FAM13C: variants seen among roughly 807,000 people sequenced by gnomAD.
The protein encoded by FAM13C is protein FAM13C.
FAM13C carries 37 observed loss-of-function variants against 73.2 expected under a neutral mutation model. That is an observed-to-expected ratio of 0.51 (90% CI 0.39 to 0.67). The LOEUF (loss-of-function observed/expected upper bound fraction) is 0.67. Among genes scored for constraint, FAM13C ranks in the 30% least tolerant of loss-of-function variants. FAM13C has a pLI of 0.00. For missense variants in FAM13C, 589 were observed against 715.6 expected, an observed-to-expected ratio of 0.82 and a Z score of 2.02; for synonymous variants, 246 against 260.9, an observed-to-expected ratio of 0.94 and a Z score of 0.55.
Position 59,246,729 on chromosome 10 carries a change from T to A in FAM13C, c.*885A>T, listed in dbSNP as rs954639807. On this transcript the variant is annotated 3_prime_UTR_variant, in exon 14 of 14. Coordinates refer to ENST00000618804, the MANE Select transcript of FAM13C (RefSeq NM_198215.4). Reference sequence around the variant, plus strand: ...TACAGCTCATGGGAAATGTTTTGACTTTACAAAGTATAGATGTTGGAACAT... The same window carrying A: ...TACAGCTCATGGGAAATGTTTTGACATTACAAAGTATAGATGTTGGAACAT... 2.5e-6 allele frequency: 1 copy of A among 397,090 alleles called. No homozygotes were observed. Among genetic ancestry groups the A allele is most frequent in the Non-Finnish European group, 4.4e-6 (1 of 225,102 alleles). The allele number at this position is 397,090 out of a possible 1,614,324, so 24.6% of individuals were successfully genotyped here. A position where few individuals can be genotyped will look rare whatever the true frequency, so the allele number is the denominator to read the frequency against.
intron 6 of FAM13C, among the ~76,000 whole-genome samples, chr10:59,271,257 C>T (rs1843687321): frequency 6.6e-6 from 1 of 152,174 alleles, no homozygotes; most frequent in Non-Finnish European, 1.5e-5. Context: ...CTCTGCTTGT[C>T]CAAAATAAAC....
At position 59,362,380 on chromosome 10, in the gene FAM13C, A is replaced by T. The variant is rs750809949; in HGVS notation, c.62+19T>A. 1 of 1,613,164 alleles carries T rather than the reference A, an allele frequency of 6.2e-7. No homozygotes were observed. The highest frequency in any genetic ancestry group is 8.5e-7 in the Non-Finnish European group (1 of 1,179,630). On this transcript the variant is annotated intron_variant, in intron 1 of 13. Transcript: ENST00000618804. ...GAGAAAGGCATGCAAGTCTAATTTT[A>T]ATGGTAAGAATCACTTACTCTGTTA...
chr10:59,252,396 A>C (rs1305571776), intron 12 of FAM13C, among the ~76,000 whole-genome samples: 2 of 152,134 alleles, frequency 1.3e-5, no homozygotes, highest in East Asian at 3.8e-4. Context: ...ATGATTTTCT[A>C]CTTGCTTTCT....
intron 5 of FAM13C, among the ~76,000 whole-genome samples, chr10:59,289,076 C>T (rs188153367): frequency 3.0e-4 from 46 of 152,244 alleles, no homozygotes; most frequent in African/African-American, 1.0e-3. Flanking sequence ...GACTGGGGCA[C>T]GGGGATTGTT....
At chr10:59,293,175 G>A (rs915912188) in intron 5 of FAM13C, among the ~76,000 whole-genome samples, 1 of 138,928 alleles carries the variant, frequency 7.2e-6, no homozygotes, top group Admixed American at 8.1e-5. Context: ...CTGGGTTCAC[G>A]CCATTCTCCT....
At chr10:59,304,590 G>A (rs1228370429) in intron 4 of FAM13C, among the ~76,000 whole-genome samples, 1 of 151,852 alleles carries the variant, frequency 6.6e-6, no homozygotes, top group East Asian at 1.9e-4. Flanking sequence ...ACACACTGGG[G>A]CCTTTCAGAG....
intron 10 of FAM13C, among the ~76,000 whole-genome samples, chr10:59,260,017 T>C (rs760255751): frequency 5.9e-5 from 9 of 152,150 alleles, no homozygotes; most frequent in Non-Finnish European, 1.3e-4. Context: ...ACAACCCCAG[T>C]GTGCTCCTCT....
In FAM13C at chr10:59,352,264, T is replaced by G. The variant is rs551271985; in HGVS notation, c.324+6A>C. On this transcript the variant is annotated splice_donor_region_variant and intron_variant, in intron 3 of 13. Coordinates refer to ENST00000618804, the MANE Select transcript of FAM13C (RefSeq NM_198215.4). ...TGGCAAAAGCCTGAGAAGAGAGAGCTGCTACCTGACTTTCTCCGTGGCTCC... is the reference window on the plus strand; with the variant it reads ...TGGCAAAAGCCTGAGAAGAGAGAGCGGCTACCTGACTTTCTCCGTGGCTCC... The G allele has an allele frequency of 7.4e-6, 12 of 1,613,462 alleles. No individual in the cohort carries two copies. Among genetic ancestry groups the G allele is most frequent in the Non-Finnish European group, 1.7e-6 (2 of 1,179,918 alleles).
intron 4 of FAM13C, 96 bp from the exon 5 acceptor site, chr10:59,302,960 T>A (rs567473768): frequency 1.9e-5 from 20 of 1,073,170 alleles, no homozygotes; most frequent in South Asian, 8.2e-5. Flanking sequence ...GTACCCCTGA[T>A]AAAAACCCTT....
At chr10:59,278,697 G>C (rs1415770909) in intron 6 of FAM13C, among the ~76,000 whole-genome samples, 1 of 152,042 alleles carries the variant, frequency 6.6e-6, no homozygotes, top group African/African-American at 2.4e-5. Context: ...TATTTTAAAG[G>C]AACCAACTTA....
chr10:59,263,519 G>A (rs1282239501), intron 9 of FAM13C, among the ~76,000 whole-genome samples: 1 of 152,128 alleles, frequency 6.6e-6, no homozygotes, highest in Non-Finnish European at 1.5e-5. Context: ...GTTAGAGTGT[G>A]GAGAGAGGAA....
Position 59,323,892 on chromosome 10 carries a change from A to T in FAM13C, c.443+96T>A. On this transcript the variant is annotated intron_variant, in intron 4 of 13. Transcript: ENST00000618804. ...ACTATAAGGAATGCCAGCAAAAGTC[A>T]GAAAGCCTTGCCTCTTGTGTGGGAG... The T allele has an allele frequency of 3.7e-6, 4 of 1,082,368 alleles. No homozygotes were observed. In the South Asian group the frequency reaches 3.7e-5, roughly 10 times the overall value. 67.0% of individuals were successfully genotyped at this position (1,082,368 alleles called of 1,614,324 possible). A position where few individuals can be genotyped will look rare whatever the true frequency, so the allele number is the denominator to read the frequency against.
chr10:59,316,713 T>A (rs1849571437), intron 4 of FAM13C, among the ~76,000 whole-genome samples: 1 of 152,154 alleles, frequency 6.6e-6, no homozygotes, highest in African/African-American at 2.4e-5. Flanking sequence ...CATACAAAGG[T>A]ACAGCAAAAA....
rs542900443 is a variant in FAM13C, at chr10:59,347,781, G to C, written c.324+4489C>G. Among the ~76,000 whole-genome samples the C allele has an allele frequency of 2.0e-5, 3 of 151,288 alleles. No homozygotes were observed. The East Asian group carries it at 5.9e-4, about 30-fold the overall frequency. On this transcript the variant is annotated intron_variant, in intron 3 of 13. Transcript: ENST00000618804. ...TTATGAGTGAGAACATGCAGTGTTTGGTTTTCTGTTGTGTGATAGTTTGCT... is the reference window on the plus strand; with the variant it reads ...TTATGAGTGAGAACATGCAGTGTTTCGTTTTCTGTTGTGTGATAGTTTGCT...
At chr10:59,317,126 A>ATGTGTGTG (rs5785374) in intron 4 of FAM13C, among the ~76,000 whole-genome samples, 156 of 149,298 alleles carry the variant, frequency 1.0e-3, no homozygotes, top group South Asian at 5.8e-3. Context: ...ACTATACATA[A>ATGTGTGTG]TGTGTGTGTG....
At chr10:59,332,930 G>A (rs1852198500) in intron 3 of FAM13C, among the ~76,000 whole-genome samples, 1 of 152,130 alleles carries the variant, frequency 6.6e-6, no homozygotes, top group South Asian at 2.1e-4. Context: ...GGGTTACTAT[G>A]ATATTAAAAA....
At chr10:59,351,335 A>AAT (rs1564623870) in intron 3 of FAM13C, among the ~76,000 whole-genome samples, 3 of 151,804 alleles carry the variant, frequency 2.0e-5, no homozygotes. Context: ...CTGTCTCAAA[A>AAT]AAAAAAAAAA....
At chr10:59,299,740 C>A (rs1364411321) in intron 5 of FAM13C, among the ~76,000 whole-genome samples, 1 of 152,006 alleles carries the variant, frequency 6.6e-6, no homozygotes, top group South Asian at 2.1e-4. Flanking sequence ...GAGACACTGA[C>A]AGATCTCAAG....
chr10:59,347,926 T>C (rs950917881), intron 3 of FAM13C, among the ~76,000 whole-genome samples: 7 of 152,210 alleles, frequency 4.6e-5, no homozygotes, highest in African/African-American at 9.6e-5. Context: ...CAGTCTATCA[T>C]TGATGGAACA....
Sources: allele counts gnomAD v4.1 joint callset (sites outside exome capture counted in the v4.1 genomes callset), GRCh38; gene constraint gnomAD v4.1.1; transcripts MANE v1.5; gene names NCBI Gene and HGNC (gene_info 2026-07-23, HGNC 2026-07-21).